The following SPOCK1 variants were observed in gnomAD, a reference collection of about 807,000 sequenced individuals.
SPOCK1 encodes SPARC (osteonectin), cwcv and kazal like domains proteoglycan 1.
SPOCK1 carries 23 observed loss-of-function variants against 55.3 expected under a neutral mutation model. The observed-to-expected ratio is 0.42, with a 90% CI of 0.30 to 0.59. SPOCK1 has a LOEUF of 0.59. Ranked by LOEUF, SPOCK1 falls within the 20% of genes least tolerant of loss-of-function variation. The pLI is 0.22. For synonymous variants in SPOCK1, 226 were observed against 221.0 expected, an observed-to-expected ratio of 1.02 and a Z score of -0.20; for missense variants, 499 against 552.5, an observed-to-expected ratio of 0.90 and a Z score of 0.97.
chr5:137,208,133 G>A (rs887184348), intron 3 of SPOCK1, among the ~76,000 whole-genome samples: 5 of 151,972 alleles, frequency 3.3e-5, no homozygotes, highest in African/African-American at 9.7e-5. Context: ...ATTTTGACTG[G>A]CTTAACCTCT....
intron 3 of SPOCK1, among the ~76,000 whole-genome samples, chr5:137,204,893 C>A (rs1012720879): frequency 1.3e-5 from 2 of 152,134 alleles, no homozygotes; most frequent in African/African-American, 4.8e-5. Flanking sequence ...CTTGTTCCCA[C>A]CTCAAGGCCA....
intron 2 of SPOCK1, among the ~76,000 whole-genome samples, chr5:137,413,319 T>A (rs765268156): frequency 6.6e-6 from 1 of 152,178 alleles, no homozygotes; most frequent in African/African-American, 2.4e-5. Flanking sequence ...TCTCTTTCAC[T>A]GATGACAAGC....
intron 5 of SPOCK1, among the ~76,000 whole-genome samples, chr5:137,110,510 C>T (rs534820099): frequency 1.3e-5 from 2 of 152,204 alleles, no homozygotes; most frequent in South Asian, 4.1e-4. Flanking sequence ...AATGACTCAT[C>T]AGTGTCCCCT....
intron 5 of SPOCK1, among the ~76,000 whole-genome samples, chr5:137,097,961 G>A (rs564101738): frequency 6.6e-6 from 1 of 152,306 alleles, no homozygotes; most frequent in South Asian, 2.1e-4. Context: ...AAGGCTTTCT[G>A]AAGCAAATGG....
At chr5:137,242,468 C>T (rs533361775) in intron 3 of SPOCK1, among the ~76,000 whole-genome samples, 2 of 152,252 alleles carry the variant, frequency 1.3e-5, no homozygotes, top group South Asian at 2.1e-4. Context: ...CTTCACTAGC[C>T]ATGTGGAACT....
intron 6 of SPOCK1, among the ~76,000 whole-genome samples, chr5:137,006,645 A>G (rs1751254910): frequency 6.6e-6 from 1 of 152,222 alleles, no homozygotes; most frequent in Non-Finnish European, 1.5e-5. Context: ...ATCTACAAAC[A>G]GAGATAATTT....
chr5:137,241,391 C>A (rs1756278662), intron 3 of SPOCK1, among the ~76,000 whole-genome samples: 3 of 152,090 alleles, frequency 2.0e-5, no homozygotes, highest in South Asian at 4.1e-4. Flanking sequence ...AATGAAAGAC[C>A]AAGGACCCAT....
At chr5:136,997,035 A>C (rs1751055020) in intron 6 of SPOCK1, among the ~76,000 whole-genome samples, 1 of 152,144 alleles carries the variant, frequency 6.6e-6, no homozygotes, top group Non-Finnish European at 1.5e-5. Context: ...CCATGAGCCC[A>C]CTGGAAAGAA....
At chr5:137,498,625 G>T in intron 1 of SPOCK1, 67 bp from the exon 2 acceptor site, 1 of 1,214,090 alleles carries the variant, frequency 8.2e-7, no homozygotes, top group Non-Finnish European at 1.0e-6. Context: ...GGGCACCCAG[G>T]CGTCCCAGCG....
At chr5:137,423,359 T>C (rs1752542163) in intron 2 of SPOCK1, among the ~76,000 whole-genome samples, 1 of 152,198 alleles carries the variant, frequency 6.6e-6, no homozygotes, top group Admixed American at 6.5e-5. Flanking sequence ...CTGCCTTTTG[T>C]TTTCCATGCC....
rs1046717488 is a variant in SPOCK1, at chr5:137,422,209, C to T, written c.186+76164G>A. ...GTAACCCAACCTTTGTCTCTGGCTG[C>T]CCTTAACATTTTTTCCTTCATTTCA... is the stretch of plus-strand genomic sequence containing the variant. On this transcript the variant is annotated intron_variant, in intron 2 of 10. Coordinates refer to ENST00000394945, the MANE Select transcript of SPOCK1 (RefSeq NM_004598.4). Among the ~76,000 whole-genome samples, 5 of 152,286 alleles carry T rather than the reference C, an allele frequency of 3.3e-5. No homozygotes were observed. The East Asian group carries it at 7.7e-4, about 24-fold the overall frequency.
At chr5:137,296,049 T>A (rs573919889) in intron 2 of SPOCK1, among the ~76,000 whole-genome samples, 1 of 152,268 alleles carries the variant, frequency 6.6e-6, no homozygotes, top group African/African-American at 2.4e-5. Context: ...ATGGGATTAG[T>A]GCCCTCATAA....
chr5:137,180,359 C>A (rs575666961), intron 3 of SPOCK1, among the ~76,000 whole-genome samples: 1 of 121,448 alleles, frequency 8.2e-6, no homozygotes, highest in Non-Finnish European at 1.7e-5. Context: ...GGGGTCATGA[C>A]TGGGGTGGGG....
intron 2 of SPOCK1, among the ~76,000 whole-genome samples, chr5:137,283,658 T>G (rs1366553132): frequency 6.6e-6 from 1 of 151,728 alleles, no homozygotes; most frequent in East Asian, 1.9e-4. Context: ...GAGGTTGAAG[T>G]GAGCCAAGAT....
chr5:137,130,284 T>C (rs534192828), intron 4 of SPOCK1, among the ~76,000 whole-genome samples: 1 of 152,224 alleles, frequency 6.6e-6, no homozygotes, highest in Non-Finnish European at 1.5e-5. Context: ...TCTGTCTCTT[T>C]CAATAGACTT....
chr5:137,237,562 G>A (rs1267555184), intron 3 of SPOCK1, among the ~76,000 whole-genome samples: 1 of 152,196 alleles, frequency 6.6e-6, no homozygotes, highest in Non-Finnish European at 1.5e-5. Context: ...GCTAAGCTGA[G>A]CAAATACTCC....
At chr5:137,460,085 C>A (rs1753449225) in intron 2 of SPOCK1, among the ~76,000 whole-genome samples, 1 of 152,142 alleles carries the variant, frequency 6.6e-6, no homozygotes, top group South Asian at 2.1e-4. Flanking sequence ...GCCTTGAAAT[C>A]CAAGCTAAGA....
chr5:137,429,844 T>C (rs1238183689), intron 2 of SPOCK1, among the ~76,000 whole-genome samples: 1 of 152,226 alleles, frequency 6.6e-6, no homozygotes, highest in East Asian at 1.9e-4. Flanking sequence ...AAATCCTGGA[T>C]GGACTGACCA....
intron 2 of SPOCK1, among the ~76,000 whole-genome samples, chr5:137,352,590 C>T (rs1750707618): frequency 6.6e-6 from 1 of 152,044 alleles, no homozygotes; most frequent in South Asian, 2.1e-4. Context: ...CGTATAACAG[C>T]TCAGCAAGAA....
Sources: allele counts gnomAD v4.1 joint callset (sites outside exome capture counted in the v4.1 genomes callset), GRCh38; gene constraint gnomAD v4.1.1; transcripts MANE v1.5; gene names NCBI Gene and HGNC (gene_info 2026-07-23, HGNC 2026-07-21).